Variants in IBTK observed in about 807,000 individuals in gnomAD.
IBTK encodes the protein inhibitor of Bruton tyrosine kinase, also known as BTK-binding protein.
A neutral mutation model predicts 154.9 loss-of-function variants in IBTK; 83 were observed. That is an observed-to-expected ratio of 0.54 (90% CI 0.45 to 0.64). The LOEUF (loss-of-function observed/expected upper bound fraction) is 0.64. IBTK is among the 30% of genes least tolerant of loss of function. IBTK has a pLI of 0.00. For synonymous variants in IBTK, 515 were observed against 536.1 expected (o/e 0.96, Z 0.54); for missense variants, 1,332 against 1,584.6 (o/e 0.84, Z 2.71).
chr6:82,231,675 C>A (rs1416406097), intron 4 of IBTK, 43 bp downstream of exon 4: 1 of 1,465,308 alleles, frequency 6.8e-7, no homozygotes. Flanking sequence ...TACAAAAGTT[C>A]TTTCTCATCT....
Position 82,223,947 on chromosome 6 carries a change from TCAAA to T in IBTK, c.943+117_943+120del, listed in dbSNP as rs538563400. On this transcript the variant is annotated intron_variant, in intron 7 of 28. Transcript: ENST00000306270. ...TAGGATGACAGAGTGAGACTTTGTC[TCAAA>T]CAAACAAACAAAAAATCACTCATAA... 595 of 674,768 alleles carry T rather than the reference TCAAA, an allele frequency of 8.8e-4. 8 individuals carry two copies. In the East Asian group the frequency reaches 0.015, roughly 17 times the overall value. 41.8% of individuals were successfully genotyped at this position (674,768 alleles called of 1,614,324 possible).
At chr6:82,171,657 A>G (rs2127794893) in intron 28 of IBTK, 101 bp from the exon 29 acceptor site, 1 of 935,228 alleles carries the variant, frequency 1.1e-6, no homozygotes, top group Middle Eastern at 3.1e-4. Context: ...ATCACTTTCC[A>G]TGGATACAAT....
At chr6:82,186,713 A>C (rs1483122152) in intron 25 of IBTK, among the ~76,000 whole-genome samples, 1 of 152,106 alleles carries the variant, frequency 6.6e-6, no homozygotes, top group Non-Finnish European at 1.5e-5. Flanking sequence ...AATTCAGAAT[A>C]TCTATAATTC....
chr6:82,182,546 T>A (rs1157875364), intron 25 of IBTK, among the ~76,000 whole-genome samples: 1 of 151,986 alleles, frequency 6.6e-6, no homozygotes, highest in African/African-American at 2.4e-5. Context: ...ATGTGTTAAC[T>A]GAAGTCCCAG....
chr6:82,198,463 T>C (rs1042330691), intron 21 of IBTK, among the ~76,000 whole-genome samples: 5 of 152,178 alleles, frequency 3.3e-5, no homozygotes, highest in Non-Finnish European at 7.4e-5. Flanking sequence ...ATCTATCCTT[T>C]TTTTATCTTT....
At chr6:82,202,496 CA>C in intron 18 of IBTK, 31 bp downstream of exon 18, 2 of 1,150,452 alleles carry the variant, frequency 1.7e-6, no homozygotes, top group South Asian at 2.6e-5. Context: ...TCTCCTTTTG[CA>C]ACAATCTTAC....
In IBTK at chr6:82,225,465, A is replaced by C; in HGVS notation, c.825+12T>G. ...AATGTAAAACCTTATTATTTAAAAG[A>C]GTAAAGCTTACCTGTCTGGGTACAT... On this transcript the variant is annotated intron_variant, in intron 6 of 28. Transcript: ENST00000306270. 6.2e-7 allele frequency: 1 copy of C among 1,602,694 alleles called. No homozygotes were observed. The highest frequency in any genetic ancestry group is 8.5e-7 in the Non-Finnish European group (1 of 1,174,640).
At chr6:82,182,818 T>C (rs1467838409) in intron 25 of IBTK, among the ~76,000 whole-genome samples, 2 of 152,076 alleles carry the variant, frequency 1.3e-5, no homozygotes, top group African/African-American at 4.8e-5. Context: ...CAAAAGACGA[T>C]GGAAAGGAAT....
chr6:82,246,356 C>T (rs1344925894), intron 1 of IBTK, among the ~76,000 whole-genome samples: 2 of 150,674 alleles, frequency 1.3e-5, no homozygotes, highest in East Asian at 3.9e-4. Flanking sequence ...TTGGTAGAGA[C>T]GGGGTTTCAC....
intron 1 of IBTK, among the ~76,000 whole-genome samples, chr6:82,245,486 A>G (rs1771108993): frequency 6.6e-6 from 1 of 152,060 alleles, no homozygotes; most frequent in Non-Finnish European, 1.5e-5. Flanking sequence ...AAAACTGGTC[A>G]GTCAAGGCTG....
At chr6:82,188,684 G>A (rs1015226565) in intron 25 of IBTK, among the ~76,000 whole-genome samples, 3 of 152,086 alleles carry the variant, frequency 2.0e-5, no homozygotes, top group African/African-American at 7.2e-5. Flanking sequence ...TTTAATGATT[G>A]GAAAAAGTCA....
rs768337284 is a variant in IBTK at position 82,202,558 on chromosome 6, C to A, written c.2699G>T (p.Gly900Val). The A allele has an allele frequency of 1.2e-6, 2 of 1,609,082 alleles. No homozygotes were observed. The highest frequency in any genetic ancestry group is 1.7e-6 in the Non-Finnish European group (2 of 1,177,204). The change falls in exon 18 of 29, where the codon GGA becomes GTA. Residue 900 changes from glycine to valine, a missense_variant. Coordinates refer to ENST00000306270, the MANE Select transcript of IBTK (RefSeq NM_015525.4). ...TTCAAGTAAAGCTGCCATATTCAAT[C>A]CTATAAACTGTAAACAAGACAGTTT... ...QLKLSCLQFI[G>V]LNMAALLEAR...
chr6:82,187,451 C>A (rs1239419108), intron 25 of IBTK, among the ~76,000 whole-genome samples: 1 of 152,168 alleles, frequency 6.6e-6, no homozygotes, highest in East Asian at 1.9e-4. Context: ...CACTTGAATA[C>A]CTTCCTCTGA....
At chr6:82,209,489 T>C (rs1252908469) in intron 16 of IBTK, among the ~76,000 whole-genome samples, 1 of 152,204 alleles carries the variant, frequency 6.6e-6, no homozygotes, top group Non-Finnish European at 1.5e-5. Context: ...TTGATTGTAT[T>C]TATACAAAAT....
intron 3 of IBTK, among the ~76,000 whole-genome samples, chr6:82,233,563 A>C (rs1487209686): frequency 6.6e-6 from 1 of 152,194 alleles, no homozygotes; most frequent in Non-Finnish European, 1.5e-5. Flanking sequence ...TGTTCTGAAT[A>C]TGAAACAAAA....
chr6:82,216,988 G>A (rs1769898539), intron 10 of IBTK, among the ~76,000 whole-genome samples: 1 of 152,098 alleles, frequency 6.6e-6, no homozygotes, highest in South Asian at 2.1e-4. Flanking sequence ...GCCATTTAAG[G>A]AATTACTGTA....
At chr6:82,215,944 A>C in intron 11 of IBTK, 132 bp downstream of exon 11, 1 of 603,280 alleles carries the variant, frequency 1.7e-6, no homozygotes, top group South Asian at 2.2e-5. Flanking sequence ...ATCTGTAAAC[A>C]TGATTATGTC....
chr6:82,201,601 T>A (rs891828795), intron 18 of IBTK, 119 bp from the exon 19 acceptor site: 7 of 639,660 alleles, frequency 1.1e-5, no homozygotes, highest in Non-Finnish European at 1.9e-5. Context: ...TTTTTAAGCA[T>A]TATATATAGC....
intron 8 of IBTK, 132 bp downstream of exon 8, chr6:82,223,308 C>T (rs1582238743): frequency 4.9e-6 from 3 of 614,006 alleles, no homozygotes; most frequent in East Asian, 3.2e-5. Flanking sequence ...GACAAAAATT[C>T]CTGATGTTTT....
Sources: allele counts gnomAD v4.1 joint callset (sites outside exome capture counted in the v4.1 genomes callset), GRCh38; gene constraint gnomAD v4.1.1; transcripts MANE v1.5; gene names NCBI Gene and HGNC (gene_info 2026-07-23, HGNC 2026-07-21).